COL14A1: variants seen among roughly 807,000 people sequenced by gnomAD.
COL14A1 encodes the protein collagen type XIV alpha 1 chain.
A neutral mutation model predicts 230.3 loss-of-function variants in COL14A1; 136 were observed. That is an observed-to-expected ratio of 0.59 (90% confidence interval 0.51 to 0.68). The LOEUF is 0.68. COL14A1 is among the 30% of genes least tolerant of loss of function. The pLI is 0.00. For missense variants in COL14A1, 1,976 were observed against 2,215.8 expected, an observed-to-expected ratio of 0.89 and a Z score of 2.17; for synonymous variants, 792 against 784.1, an observed-to-expected ratio of 1.01 and a Z score of -0.17.
At chr8:120,176,751 T>A (rs899021450) in intron 5 of COL14A1, among the ~76,000 whole-genome samples, 2 of 152,166 alleles carry the variant, frequency 1.3e-5, no homozygotes, top group Admixed American at 6.5e-5. Context: ...AAGTGTGGGC[T>A]AGAATTTATG....
intron 5 of COL14A1, among the ~76,000 whole-genome samples, chr8:120,183,042 G>T (rs1816519231): frequency 6.6e-6 from 1 of 152,056 alleles, no homozygotes; most frequent in African/African-American, 2.4e-5. Context: ...CAAACTTTAT[G>T]TAAAAATATA....
chr8:120,231,480 A>G lies in COL14A1; in HGVS notation c.2211A>G (p.Gly737=). The G allele has an allele frequency of 1.9e-6, 3 of 1,612,382 alleles. No homozygotes were observed. The highest frequency in any genetic ancestry group is 2.2e-5 in the South Asian group (2 of 90,522). The change falls in exon 19 of 48, where the codon GGA becomes GGG. Residue 737 remains glycine (G), a synonymous_variant. Transcript: ENST00000297848. ...TGTTTATTCCAGTTTTCCAGACGGGAATCAGAAACCTAGTTGTAGGTGATG... is the reference window on the plus strand; with the variant it reads ...TGTTTATTCCAGTTTTCCAGACGGGGATCAGAAACCTAGTTGTAGGTGATG... ...TTSVTSVFQT[G]IRNLVVGDET...
intron 8 of COL14A1, 38 bp from the exon 9 acceptor site, chr8:120,203,671 A>G (rs374787407): frequency 1.9e-6 from 3 of 1,607,906 alleles, no homozygotes; most frequent in African/African-American, 2.7e-5. Flanking sequence ...CCAAGGGGGC[A>G]TAAAAGTCAC....
At chr8:120,289,074 T>A (rs940322399) in intron 33 of COL14A1, among the ~76,000 whole-genome samples, 2 of 152,150 alleles carry the variant, frequency 1.3e-5, no homozygotes, top group African/African-American at 4.8e-5. Context: ...TACCATACAC[T>A]AAGCTAAACA....
intron 2 of COL14A1, among the ~76,000 whole-genome samples, chr8:120,155,464 T>G (rs1815441110): frequency 6.6e-6 from 1 of 152,160 alleles, no homozygotes; most frequent in African/African-American, 2.4e-5. Flanking sequence ...AGATGACATT[T>G]AAAGAATAGT....
chr8:120,253,090 C>A (rs2129696430), intron 22 of COL14A1, among the ~76,000 whole-genome samples: 1 of 152,306 alleles, frequency 6.6e-6, no homozygotes, highest in Admixed American at 6.5e-5. Flanking sequence ...CTGTTTTGCT[C>A]CTATGGCAAC....
chr8:120,233,947 T>C (rs989849495), intron 19 of COL14A1, among the ~76,000 whole-genome samples: 2 of 152,240 alleles, frequency 1.3e-5, no homozygotes, highest in Non-Finnish European at 2.9e-5. Context: ...TAGCTATCCA[T>C]GAGCATGAAA....
At chr8:120,307,629 G>A (rs1203730869) in intron 36 of COL14A1, among the ~76,000 whole-genome samples, 1 of 152,136 alleles carries the variant, frequency 6.6e-6, no homozygotes, top group Non-Finnish European at 1.5e-5. Flanking sequence ...GACAGTCACA[G>A]TGAGAATAAA....
chr8:120,345,457 G>T lies in COL14A1; in HGVS notation c.4971G>T (p.Gly1657=). The change falls in exon 45 of 48, where the codon GGG becomes GGT. Residue 1657 remains glycine (G), a synonymous_variant. Transcript: ENST00000297848. The stretch of plus-strand genomic sequence containing the variant: ...TCCGGACTGTCCAAGGGCCTCCTGG[G>T]GAGCCTGGGAGGCCAGGCTCACCTG... ...SSIRTVQGPP[G]EPGRPGSPGA... 1.9e-6 allele frequency: 3 copies of T among 1,602,666 alleles called. No homozygotes were observed. Among genetic ancestry groups the T allele is most frequent in the Non-Finnish European group, 1.7e-6 (2 of 1,174,878 alleles).
intron 8 of COL14A1, among the ~76,000 whole-genome samples, chr8:120,201,320 C>A (rs1378805588): frequency 6.6e-6 from 1 of 151,984 alleles, no homozygotes; most frequent in Non-Finnish European, 1.5e-5. Context: ...TGTTATAGCT[C>A]AGTGTTGTGC....
At chr8:120,309,400 A>C (rs1193635937) in intron 36 of COL14A1, among the ~76,000 whole-genome samples, 1 of 152,194 alleles carries the variant, frequency 6.6e-6, no homozygotes, top group East Asian at 1.9e-4. Context: ...ATGTGTTTAG[A>C]CACATATGAA....
chr8:120,368,478 C>T (rs1227900984), intron 46 of COL14A1, among the ~76,000 whole-genome samples: 4 of 151,950 alleles, frequency 2.6e-5, no homozygotes, highest in South Asian at 2.1e-4. Flanking sequence ...AGAGCCACCA[C>T]GCTATTCAAA....
intron 23 of COL14A1, among the ~76,000 whole-genome samples, chr8:120,258,014 G>A (rs1819211882): frequency 6.6e-6 from 1 of 152,130 alleles, no homozygotes; most frequent in South Asian, 2.1e-4. Flanking sequence ...ATTAACTGAG[G>A]CAATAACTGC....
intron 42 of COL14A1, among the ~76,000 whole-genome samples, chr8:120,340,037 C>CAAA (rs530829054): frequency 2.3e-4 from 18 of 77,696 alleles, no homozygotes; most frequent in African/African-American, 7.9e-4. Flanking sequence ...GACTGCGTCT[C>CAAA]AAAAAAAAAA....
intron 40 of COL14A1, among the ~76,000 whole-genome samples, chr8:120,322,246 G>A (rs1157685613): frequency 6.6e-6 from 1 of 152,050 alleles, no homozygotes; most frequent in Non-Finnish European, 1.5e-5. Flanking sequence ...GGGAAGGAGA[G>A]CATTAGGAAA....
At chr8:120,168,058 C>T (rs1815969471) in intron 4 of COL14A1, 103 bp from the exon 5 acceptor site, 2 of 705,628 alleles carry the variant, frequency 2.8e-6, no homozygotes, top group Non-Finnish European at 4.6e-6. Flanking sequence ...GAGCTCATTT[C>T]TATAGATACT....
intron 19 of COL14A1, among the ~76,000 whole-genome samples, chr8:120,237,811 T>C (rs1219844878): frequency 1.3e-5 from 2 of 152,264 alleles, no homozygotes; most frequent in East Asian, 3.9e-4. Flanking sequence ...GTCGTCCTTT[T>C]TGTTGATGTT....
chr8:120,174,246 G>A (rs1327394496), intron 5 of COL14A1, among the ~76,000 whole-genome samples: 1 of 143,688 alleles, frequency 7.0e-6, no homozygotes, highest in African/African-American at 2.5e-5. Context: ...AAGGAAGTTT[G>A]TGGGTTTGGA....
chr8:120,315,504 C>T (rs1454247713), intron 38 of COL14A1, 29 bp from the exon 39 acceptor site: 3 of 1,592,220 alleles, frequency 1.9e-6, no homozygotes, highest in African/African-American at 2.7e-5. Context: ...CCTATGTGAA[C>T]TTAACTCTGT....
Sources: gnomAD v4.1 joint callset for allele counts (sites outside exome capture counted in the v4.1 genomes callset) on GRCh38, gnomAD v4.1.1 for gene constraint, MANE v1.5 for transcripts, NCBI Gene and HGNC (gene_info 2026-07-23, HGNC 2026-07-21) for gene names.